TAOK3: variants seen among roughly 807,000 people sequenced by gnomAD.
The protein encoded by TAOK3 is serine/threonine-protein kinase TAO3.
Under a neutral mutation model 120.4 loss-of-function variants are expected in TAOK3, and 40 were observed. The ratio of observed to expected loss-of-function variants is 0.33; its 90% CI spans 0.26 to 0.43. The LOEUF is 0.43. Among genes scored for constraint, TAOK3 ranks in the 20% least tolerant of loss-of-function variants. The pLI, the probability that TAOK3 is intolerant of heterozygous loss-of-function variation, is 1.00. For synonymous variants in TAOK3, 355 were observed against 387.5 expected (o/e 0.92, Z 0.99); for missense variants, 821 against 1,112.1 (o/e 0.74, Z 3.72).
At chr12:118,256,650 C>G (rs1351373672) in intron 2 of TAOK3, among the ~76,000 whole-genome samples, 1 of 152,124 alleles carries the variant, frequency 6.6e-6, no homozygotes, top group East Asian at 1.9e-4. Flanking sequence ...ATACCAGTCA[C>G]AAAAGACCAT....
chr12:118,203,182 A>G (rs1193495727), intron 11 of TAOK3, among the ~76,000 whole-genome samples: 1 of 152,150 alleles, frequency 6.6e-6, no homozygotes, highest in African/African-American at 2.4e-5. Context: ...CTGTGGCCGT[A>G]TAGTGTATGC....
chr12:118,205,668 T>C (rs2038261999), intron 11 of TAOK3, among the ~76,000 whole-genome samples: 1 of 152,158 alleles, frequency 6.6e-6, no homozygotes, highest in African/African-American at 2.4e-5. Flanking sequence ...TAGAGTGCAG[T>C]GGTGCAATCT....
rs374844745 is a variant in TAOK3, at chr12:118,165,420, A to G, written c.1900-3393T>C. The stretch of plus-strand genomic sequence containing the variant: ...GGGCTCTTGACACAAAGCAAAACAC[A>G]CAAAGCAAGCAAACACCTTCAGAAG... On this transcript the variant is annotated intron_variant, in intron 17 of 20. Transcript: ENST00000392533. Among the ~76,000 whole-genome samples, 17 of 152,366 alleles carry G rather than the reference A, an allele frequency of 1.1e-4. No individual in the cohort carries two copies. The East Asian group carries it at 1.2e-3, about 10-fold the overall frequency.
rs200007258 is a variant in TAOK3 at position 118,300,055 on chromosome 12, C to T, written c.-193-33296G>A. 4.6e-5 allele frequency among the ~76,000 whole-genome samples: 7 copies of T among 152,234 alleles called. No individual in the cohort carries two copies. In the East Asian group the frequency reaches 9.7e-4, roughly 21 times the overall value. On this transcript the variant is annotated intron_variant, in intron 1 of 20. Coordinates refer to ENST00000392533, the MANE Select transcript of TAOK3 (RefSeq NM_016281.4). ...AATTACTGGGCAAGAGCCATTTTCA[C>T]GAGGGTACCAATTGCTTCTGTGCTA...
At position 118,255,564 on chromosome 12, in the gene TAOK3, G is replaced by T. The variant is rs781159188; in HGVS notation, c.4C>A (p.Arg2Ser). Reference sequence around the variant, plus strand: ...TCTGGGTCCTTCAGCACCCCTTTACGCATGATGGCCAGTAGAGCAGGCTCT... The same window carrying T: ...TCTGGGTCCTTCAGCACCCCTTTACTCATGATGGCCAGTAGAGCAGGCTCT... The part of the protein sequence containing the change: M[R>S]KGVLKDPEIA... Residue 2 changes from arginine (R) to serine (S), a missense_variant, in exon 3 of 21, where the codon CGT becomes AGT. Physicochemically the swap from Arg to Ser is moderately radical, Grantham distance 110 (BLOSUM62 -1). Around this residue, in one of 2 missense-constraint regions of TAOK3, gnomAD observed 467 missense variants for 540.0 expected, o/e 0.86. Coordinates refer to ENST00000392533, the MANE Select transcript of TAOK3 (RefSeq NM_016281.4). The T allele has an allele frequency of 1.9e-6, 3 of 1,611,804 alleles. No individual in the cohort carries two copies. The highest frequency in any genetic ancestry group is 1.1e-5 in the South Asian group (1 of 90,662).
intron 2 of TAOK3, among the ~76,000 whole-genome samples, chr12:118,265,985 T>A (rs2041430141): frequency 6.6e-6 from 1 of 152,168 alleles, no homozygotes; most frequent in African/African-American, 2.4e-5. Flanking sequence ...AGAAAAGTGA[T>A]ACGAAACCTT....
At chr12:118,343,301 C>T (rs1260177060) in intron 1 of TAOK3, among the ~76,000 whole-genome samples, 1 of 151,710 alleles carries the variant, frequency 6.6e-6, no homozygotes. Flanking sequence ...ATGGCGGGTG[C>T]CTGTAATCCT....
At chr12:118,159,113 C>T (rs1011068153) in intron 19 of TAOK3, among the ~76,000 whole-genome samples, 3 of 152,162 alleles carry the variant, frequency 2.0e-5, no homozygotes, top group African/African-American at 4.8e-5. Context: ...TTTGGGCTCA[C>T]ACCAAAGTTC....
At chr12:118,187,471 G>C (rs2037145598) in intron 14 of TAOK3, among the ~76,000 whole-genome samples, 1 of 151,996 alleles carries the variant, frequency 6.6e-6, no homozygotes, top group Non-Finnish European at 1.5e-5. Flanking sequence ...GTTGGCATTA[G>C]GCTTTAAAAT....
intron 1 of TAOK3, among the ~76,000 whole-genome samples, chr12:118,295,942 A>T (rs1052063859): frequency 1.3e-5 from 2 of 152,230 alleles, no homozygotes; most frequent in Admixed American, 6.5e-5. Context: ...TGGTTAGAGC[A>T]GGCAGTAGCT....
At position 118,257,932 on chromosome 12, in the gene TAOK3, G is replaced by A. The variant is rs536629493; in HGVS notation, c.-88-2277C>T. On this transcript the variant is annotated intron_variant, in intron 2 of 20. Coordinates refer to ENST00000392533, the MANE Select transcript of TAOK3 (RefSeq NM_016281.4). Reference sequence around the variant, plus strand: ...GTCCCTATCCTTAAAGGGCTTAGGAGTCAAATGGACTTATAGACATTAAAT... The same window carrying A: ...GTCCCTATCCTTAAAGGGCTTAGGAATCAAATGGACTTATAGACATTAAAT... Among the ~76,000 whole-genome samples the A allele has an allele frequency of 5.3e-5, 8 of 152,262 alleles. No homozygotes were observed. The South Asian group carries it at 1.7e-3, about 32-fold the overall frequency.
At chr12:118,305,425 A>G (rs2043014627) in intron 1 of TAOK3, among the ~76,000 whole-genome samples, 1 of 152,030 alleles carries the variant, frequency 6.6e-6, no homozygotes, top group Non-Finnish European at 1.5e-5. Context: ...GTGAGCTGAG[A>G]CTGTGCCACT....
chr12:118,170,849 C>G (rs2035957399), intron 17 of TAOK3, among the ~76,000 whole-genome samples: 1 of 152,166 alleles, frequency 6.6e-6, no homozygotes, highest in Non-Finnish European at 1.5e-5. Context: ...TACATGTGTT[C>G]AATACATTTT....
At chr12:118,252,572 A>G (rs879649312) in intron 3 of TAOK3, among the ~76,000 whole-genome samples, 2 of 152,144 alleles carry the variant, frequency 1.3e-5, no homozygotes, top group Non-Finnish European at 2.9e-5. Flanking sequence ...TGTATATTGT[A>G]TATACTTCTT....
At chr12:118,340,992 A>AT (rs1181293202) in intron 1 of TAOK3, among the ~76,000 whole-genome samples, 2,506 of 140,650 alleles carry the variant, frequency 0.018, 55 homozygotes, top group Admixed American at 0.059. Flanking sequence ...AATATATCTA[A>AT]TTTTTTTTTT....
At chr12:118,357,120 C>T (rs916323932) in intron 1 of TAOK3, among the ~76,000 whole-genome samples, 8 of 152,348 alleles carry the variant, frequency 5.3e-5, no homozygotes, top group African/African-American at 1.9e-4. Flanking sequence ...TAACTCCCCA[C>T]TGTAATTCCC....
intron 1 of TAOK3, among the ~76,000 whole-genome samples, chr12:118,276,436 T>C (rs2041905339): frequency 1.3e-5 from 2 of 152,226 alleles, no homozygotes; most frequent in African/African-American, 4.8e-5. Context: ...GCGCGGTGGC[T>C]CACGCCTGTA....
At chr12:118,234,823 G>T (rs1043400593) in intron 8 of TAOK3, among the ~76,000 whole-genome samples, 2 of 152,216 alleles carry the variant, frequency 1.3e-5, no homozygotes, top group Non-Finnish European at 2.9e-5. Context: ...TTGTAGTAAT[G>T]GATGTTACTT....
At chr12:118,151,287 GCGCACACACACACA>G in intron 20 of TAOK3, 129 bp from the exon 21 acceptor site, 8 of 476,174 alleles carry the variant, frequency 1.7e-5, no homozygotes, top group Non-Finnish European at 2.1e-5. Context: ...GTGCGCGCGC[GCGCACACACACACA>G]CACACACACA....
Sources: allele counts gnomAD v4.1 joint callset (sites outside exome capture counted in the v4.1 genomes callset), GRCh38; gene constraint gnomAD v4.1.1; regional missense constraint gnomAD v4.1.1; transcripts MANE v1.5; gene names NCBI Gene and HGNC (gene_info 2026-07-23, HGNC 2026-07-21).